Variants in MEIS2 observed in about 807,000 individuals in gnomAD.
The protein encoded by MEIS2 is Meis homeobox 2.
Under a neutral mutation model 58.6 loss-of-function variants are expected in MEIS2, and 9 were observed. That is an observed-to-expected ratio of 0.15 (90% CI 0.09 to 0.27). The LOEUF (loss-of-function observed/expected upper bound fraction) is 0.27, where lower values mean the gene tolerates loss of function less well. MEIS2 is among the 10% of genes least tolerant of loss of function. The probability of loss-of-function intolerance (pLI) is 1.00; values close to 1 mark genes in which losing one functional copy is unlikely to be tolerated. For synonymous variants in MEIS2, 221 were observed against 228.4 expected, an observed-to-expected ratio of 0.97 and a Z score of 0.29; for missense variants, 427 against 635.0, an observed-to-expected ratio of 0.67 and a Z score of 3.52.
At chr15:37,023,331 G>C (rs2061589295) in intron 8 of MEIS2, among the ~76,000 whole-genome samples, 1 of 152,080 alleles carries the variant, frequency 6.6e-6, no homozygotes, top group South Asian at 2.1e-4. Context: ...GTTGATTTGT[G>C]AATTCCTATT....
intron 8 of MEIS2, among the ~76,000 whole-genome samples, chr15:36,987,015 A>G (rs935225871): frequency 6.6e-6 from 1 of 152,132 alleles, no homozygotes; most frequent in Non-Finnish European, 1.5e-5. Flanking sequence ...TAAAGTGTGT[A>G]CCCCAAGATT....
intron 8 of MEIS2, among the ~76,000 whole-genome samples, chr15:36,962,154 A>G (rs1173666709): frequency 3.3e-5 from 5 of 152,200 alleles, no homozygotes; most frequent in Non-Finnish European, 5.9e-5. Context: ...CTGTTAAACA[A>G]TTGTTTTTCT....
intron 7 of MEIS2, among the ~76,000 whole-genome samples, chr15:37,081,548 G>A (rs1318598559): frequency 6.6e-6 from 1 of 152,160 alleles, no homozygotes; most frequent in Non-Finnish European, 1.5e-5. Flanking sequence ...ATACACTCAA[G>A]TCTGGCCTTC....
chr15:37,010,549 A>AT (rs149654367), intron 8 of MEIS2, among the ~76,000 whole-genome samples: 1 of 151,528 alleles, frequency 6.6e-6, no homozygotes, highest in Non-Finnish European at 1.5e-5. Flanking sequence ...TGCCTTCCTA[A>AT]TTTTTTTTGG....
chr15:37,058,144 T>A, intron 7 of MEIS2, among the ~76,000 whole-genome samples: 1 of 152,184 alleles, frequency 6.6e-6, no homozygotes, highest in East Asian at 1.9e-4. Context: ...CTTTTCTCCC[T>A]ACTCCCCCCA....
At chr15:36,929,324 ATATCAGCTC>A (rs1309124525) in intron 9 of MEIS2, among the ~76,000 whole-genome samples, 1 of 152,184 alleles carries the variant, frequency 6.6e-6, no homozygotes, top group African/African-American at 2.4e-5. Context: ...AGACCAATAA[ATATCAGCTC>A]TGGCCAAGGC....
chr15:36,950,530 T>G (rs148337144), intron 8 of MEIS2, 130 bp from the exon 9 acceptor site: 1 of 850,898 alleles, frequency 1.2e-6, no homozygotes, highest in Admixed American at 2.2e-5. Flanking sequence ...ATCTTTTTTA[T>G]CATGTGTTGA....
At position 36,896,656 on chromosome 15, in the gene MEIS2, C is replaced by T; in HGVS notation, c.1008G>A (p.Gln336=). 1.9e-6 allele frequency: 3 copies of T among 1,613,882 alleles called. No individual in the cohort carries two copies. Among genetic ancestry groups the T allele is most frequent in the Non-Finnish European group, 2.5e-6 (3 of 1,179,900 alleles). Residue 336 remains glutamine (Q), a synonymous_variant, in exon 10 of 12, where the codon CAG becomes CAA. Transcript: ENST00000561208. ...CTCGATTTGACTGGTCAATCATGGG[C>T]TGTACTATTCTTCTTCTGGCATTAA... ...WFINARRRIV[Q]PMIDQSNRAG...
At chr15:37,014,980 C>T (rs1183238196) in intron 8 of MEIS2, among the ~76,000 whole-genome samples, 3 of 152,014 alleles carry the variant, frequency 2.0e-5, no homozygotes, top group African/African-American at 4.8e-5. Context: ...AATTCAGAAA[C>T]TTTAGGGGAA....
At chr15:37,036,056 A>T (rs1266851435) in intron 8 of MEIS2, among the ~76,000 whole-genome samples, 1 of 151,654 alleles carries the variant, frequency 6.6e-6, no homozygotes, top group African/African-American at 2.4e-5. Context: ...TATCTGTAAA[A>T]ATATATTGTA....
chr15:37,014,630 C>T (rs1331185145), intron 8 of MEIS2, among the ~76,000 whole-genome samples: 2 of 152,286 alleles, frequency 1.3e-5, no homozygotes, highest in Non-Finnish European at 2.9e-5. Flanking sequence ...TGGCTGATGA[C>T]GGCACTCAGG....
At chr15:36,905,192 A>G (rs1567032434) in intron 9 of MEIS2, among the ~76,000 whole-genome samples, 1 of 152,168 alleles carries the variant, frequency 6.6e-6, no homozygotes, top group Admixed American at 6.5e-5. Flanking sequence ...ACACACATAC[A>G]TACAGACAGA....
chr15:37,007,559 C>G (rs946803547), intron 8 of MEIS2, among the ~76,000 whole-genome samples: 1 of 152,134 alleles, frequency 6.6e-6, no homozygotes, highest in Non-Finnish European at 1.5e-5. Context: ...ACCACTGACT[C>G]TTGGAGTCCA....
chr15:37,021,317 C>G (rs559572696), intron 8 of MEIS2, among the ~76,000 whole-genome samples: 8 of 152,200 alleles, frequency 5.3e-5, no homozygotes, highest in Middle Eastern at 3.2e-3. Flanking sequence ...ATGAAGCTCA[C>G]AGCATTTGCT....
At chr15:36,944,665 C>T (rs2058497058) in intron 9 of MEIS2, among the ~76,000 whole-genome samples, 2 of 152,238 alleles carry the variant, frequency 1.3e-5, no homozygotes, top group South Asian at 4.1e-4. Flanking sequence ...GACAATGAAT[C>T]TAGCACCTGG....
chr15:37,004,593 T>C (rs953234280), intron 8 of MEIS2, among the ~76,000 whole-genome samples: 4 of 152,362 alleles, frequency 2.6e-5, no homozygotes, highest in Admixed American at 2.6e-4. Flanking sequence ...TTGAGCTGCT[T>C]GCTCTTTGTA....
Position 36,932,844 on chromosome 15 carries a change from C to T in MEIS2, c.977+17480G>A, listed in dbSNP as rs572743541. Among the ~76,000 whole-genome samples the T allele has an allele frequency of 2.2e-4, 34 of 152,112 alleles. No homozygotes were observed. In the East Asian group the frequency reaches 6.6e-3, roughly 29 times the overall value. On this transcript the variant is annotated intron_variant, in intron 9 of 11. Coordinates refer to ENST00000561208, the MANE Select transcript of MEIS2 (RefSeq NM_170675.5). ...TTGAGTGGTATGTTGAAGGTGGCTC[C>T]GAGTAGCCAAAAAGTGATGGACAAA...
intron 8 of MEIS2, among the ~76,000 whole-genome samples, chr15:36,975,493 C>T (rs1181130526): frequency 7.5e-6 from 1 of 133,254 alleles, no homozygotes; most frequent in Non-Finnish European, 1.6e-5. Flanking sequence ...TTCAGAGTTC[C>T]ATGAATTTAC....
chr15:37,019,557 A>G (rs966635714), intron 8 of MEIS2, among the ~76,000 whole-genome samples: 1 of 152,210 alleles, frequency 6.6e-6, no homozygotes, highest in Admixed American at 6.5e-5. Flanking sequence ...GCATTCAGGA[A>G]CTTAAAGTAA....
Sources: gnomAD v4.1 joint callset for allele counts (sites outside exome capture counted in the v4.1 genomes callset) on GRCh38, gnomAD v4.1.1 for gene constraint, MANE v1.5 for transcripts, NCBI Gene and HGNC (gene_info 2026-07-23, HGNC 2026-07-21) for gene names.